The following CYBRD1 variants were observed in gnomAD, a reference collection of about 807,000 sequenced individuals.
CYBRD1 encodes the protein plasma membrane ascorbate-dependent reductase CYBRD1.
CYBRD1 carries 14 observed loss-of-function variants against 21.9 expected under a neutral mutation model. The ratio of observed to expected loss-of-function variants is 0.64; its 90% CI spans 0.42 to 1.00. The LOEUF is 1.00. Among genes scored for constraint, CYBRD1 ranks in the 50% least tolerant of loss-of-function variants. CYBRD1 has a pLI of 0.00. For missense variants in CYBRD1, 328 were observed against 352.5 expected (o/e 0.93, Z 0.56); for synonymous variants, 146 against 136.5 (o/e 1.07, Z -0.48).
chr2:171,542,467 T>C (rs1574439992), intron 2 of CYBRD1, among the ~76,000 whole-genome samples: 3 of 151,502 alleles, frequency 2.0e-5, no homozygotes, highest in Admixed American at 6.6e-5. Context: ...CTGGGCAACA[T>C]AGGGAGACTG....
chr2:171,546,395 A>T (rs1290278222), intron 2 of CYBRD1, among the ~76,000 whole-genome samples: 2 of 152,216 alleles, frequency 1.3e-5, no homozygotes, highest in African/African-American at 4.8e-5. Context: ...TGTTGTTATT[A>T]TAAGTGTAAA....
Position 171,526,266 on chromosome 2 carries a change from C to T in CYBRD1, c.193+3528C>T, listed in dbSNP as rs560754775. 4.7e-5 allele frequency among the ~76,000 whole-genome samples: 7 copies of T among 149,576 alleles called. No homozygotes were observed. The South Asian group carries it at 6.3e-4, about 13-fold the overall frequency. On this transcript the variant is annotated intron_variant, in intron 1 of 3. Coordinates refer to ENST00000321348, the MANE Select transcript of CYBRD1 (RefSeq NM_024843.4). ...TGGGCAACAGAGTGAGATTCTGTCT[C>T]GAAAAAAAAAGAGGGATAAACTCCA...
Position 171,557,093 on chromosome 2 carries a change from C to T in CYBRD1, c.*2266C>T, listed in dbSNP as rs574265848. ...GTGGGCTAATGTGAGGATAATCTTA[C>T]AGATATTATAGGAATTTCTTTTCTA... On this transcript the variant is annotated 3_prime_UTR_variant, in exon 4 of 4. Coordinates refer to ENST00000321348, the MANE Select transcript of CYBRD1 (RefSeq NM_024843.4). 1.3e-5 allele frequency: 2 copies of T among 152,640 alleles called. No homozygotes were observed. The highest frequency in any genetic ancestry group is 4.8e-5 in the African/African-American group (2 of 41,532). The allele number at this position is 152,640 out of a possible 1,614,324, so 9.5% of individuals were successfully genotyped here.
intron 2 of CYBRD1, among the ~76,000 whole-genome samples, chr2:171,548,229 G>C (rs1697746830): frequency 6.6e-6 from 1 of 152,100 alleles, no homozygotes; most frequent in Non-Finnish European, 1.5e-5. Flanking sequence ...AGCAGCATTA[G>C]CATCACTAGG....
chr2:171,541,026 A>T (rs886297727), intron 1 of CYBRD1: 1 of 163,624 alleles, frequency 6.1e-6, no homozygotes, highest in Admixed American at 5.8e-5. Flanking sequence ...AGCCTCTCAA[A>T]GTGCTGGGAT....
intron 1 of CYBRD1, among the ~76,000 whole-genome samples, chr2:171,538,019 G>A (rs895891208): frequency 1.3e-5 from 2 of 152,192 alleles, no homozygotes; most frequent in African/African-American, 4.8e-5. Flanking sequence ...GCTCACACCT[G>A]TAATCCCAGC....
intron 2 of CYBRD1, among the ~76,000 whole-genome samples, chr2:171,544,657 A>C (rs1018195859): frequency 6.6e-6 from 1 of 152,180 alleles, no homozygotes; most frequent in African/African-American, 2.4e-5. Context: ...TGGGTAAACT[A>C]TCTTCCCATC....
chr2:171,542,859 C>A (rs1271929328), intron 2 of CYBRD1, among the ~76,000 whole-genome samples: 4 of 152,012 alleles, frequency 2.6e-5, no homozygotes, highest in Admixed American at 6.6e-5. Context: ...CCAGCCTGGG[C>A]AACAGAGCCA....
At position 171,557,838 on chromosome 2, in the gene CYBRD1, A is replaced by G. The variant is rs1201999844; in HGVS notation, c.*3011A>G. 6.6e-6 allele frequency: 1 copy of G among 152,202 alleles called. No individual in the cohort carries two copies. The highest frequency in any genetic ancestry group is 1.5e-5 in the Non-Finnish European group (1 of 68,024). 9.4% of individuals were successfully genotyped at this position (152,202 alleles called of 1,614,324 possible). On this transcript the variant is annotated 3_prime_UTR_variant, in exon 4 of 4. Transcript: ENST00000321348. ...AAAGACAGAAGTAAAGCTTTATGCT[A>G]ATTTTATTTCAATATGATAGAAAAT...
Position 171,554,736 on chromosome 2 carries a change from T to A in CYBRD1, c.770T>A (p.Met257Lys). The A allele has an allele frequency of 1.9e-6, 3 of 1,613,986 alleles. No individual in the cohort carries two copies. Among genetic ancestry groups the A allele is most frequent in the Non-Finnish European group, 8.5e-7 (1 of 1,179,942 alleles). ...GSMPAYSGNN[M>K]DKSDSELNSE... ...ATGCCAGCCTACTCTGGCAACAACA[T>A]GGACAAATCAGATTCAGAGTTAAAC... The change falls in exon 4 of 4, where the codon ATG becomes AAG. Residue 257 changes from methionine (M) to lysine (K), a missense_variant. Transcript: ENST00000321348.
At chr2:171,542,747 G>T (rs867324655) in intron 2 of CYBRD1, among the ~76,000 whole-genome samples, 7 of 152,064 alleles carry the variant, frequency 4.6e-5, no homozygotes, top group Admixed American at 1.3e-4. Context: ...TGGGCAGGGT[G>T]GTGCACACCT....
intron 1 of CYBRD1, chr2:171,523,402 T>G: frequency 4.2e-6 from 1 of 238,424 alleles, no homozygotes; most frequent in Non-Finnish European, 9.2e-6. Flanking sequence ...TCCGGGAAGC[T>G]GCCAGGACTT....
intron 1 of CYBRD1, among the ~76,000 whole-genome samples, chr2:171,528,497 C>T (rs1323336489): frequency 7.1e-6 from 1 of 139,976 alleles, no homozygotes; most frequent in Admixed American, 7.4e-5. Flanking sequence ...TCCTCAGTCT[C>T]CTTTGCTGGT....
At chr2:171,532,494 G>A (rs1697482151) in intron 1 of CYBRD1, among the ~76,000 whole-genome samples, 2 of 152,160 alleles carry the variant, frequency 1.3e-5, no homozygotes. Context: ...TTTTTCTTGA[G>A]TTTTTTGATT....
chr2:171,533,904 C>G (rs1204017968), intron 1 of CYBRD1, among the ~76,000 whole-genome samples: 1 of 151,858 alleles, frequency 6.6e-6, no homozygotes, highest in Non-Finnish European at 1.5e-5. Flanking sequence ...CAGGGTTTCA[C>G]CACATTGGCC....
chr2:171,549,240 T>C (rs1036694378), intron 2 of CYBRD1, among the ~76,000 whole-genome samples: 2 of 152,102 alleles, frequency 1.3e-5, no homozygotes, highest in African/African-American at 4.8e-5. Context: ...CATGCCACCA[T>C]ACCTGGCTAA....
At chr2:171,551,963 A>G (rs1369514414) in intron 2 of CYBRD1, among the ~76,000 whole-genome samples, 1 of 152,060 alleles carries the variant, frequency 6.6e-6, no homozygotes, top group Non-Finnish European at 1.5e-5. Context: ...TTTCTTGCTT[A>G]ACTCAGTAGC....
chr2:171,531,703 TA>T (rs917742558), intron 1 of CYBRD1, among the ~76,000 whole-genome samples: 5 of 152,170 alleles, frequency 3.3e-5, no homozygotes, highest in African/African-American at 1.2e-4. Context: ...CCTTAAGTTC[TA>T]CCCTTCATTT....
intron 1 of CYBRD1, among the ~76,000 whole-genome samples, chr2:171,533,223 C>T (rs992319482): frequency 9.2e-5 from 14 of 151,984 alleles, no homozygotes; most frequent in Admixed American, 1.3e-4. Context: ...AAAAATTAGC[C>T]GGGCATGGTA....
Sources: allele counts gnomAD v4.1 joint callset (sites outside exome capture counted in the v4.1 genomes callset), GRCh38; gene constraint gnomAD v4.1.1; transcripts MANE v1.5; gene names NCBI Gene and HGNC (gene_info 2026-07-23, HGNC 2026-07-21).